The following TBC1D22A variants were observed in gnomAD, a reference collection of about 807,000 sequenced individuals.
TBC1D22A encodes the protein putative GTPase activator.
A neutral mutation model predicts 60.2 loss-of-function variants in TBC1D22A; 38 were observed. That is an observed-to-expected ratio of 0.63 (90% confidence interval 0.49 to 0.83). The LOEUF is 0.83. TBC1D22A is among the 40% of genes least tolerant of loss of function. TBC1D22A has a pLI of 0.00. For missense variants in TBC1D22A, 628 were observed against 701.0 expected, an observed-to-expected ratio of 0.90 and a Z score of 1.18; for synonymous variants, 302 against 281.7, an observed-to-expected ratio of 1.07 and a Z score of -0.72.
At chr22:46,899,004 G>A (rs1427559348) in intron 7 of TBC1D22A, among the ~76,000 whole-genome samples, 1 of 152,196 alleles carries the variant, frequency 6.6e-6, no homozygotes, top group Non-Finnish European at 1.5e-5. Flanking sequence ...GCAAGGCTTG[G>A]CAGAGTGGAT....
intron 12 of TBC1D22A, among the ~76,000 whole-genome samples, chr22:47,156,103 G>A (rs1200660982): frequency 6.6e-6 from 1 of 152,188 alleles, no homozygotes; most frequent in Non-Finnish European, 1.5e-5. Context: ...GATGGCTGAA[G>A]GCAGGGCTTC....
chr22:47,008,736 G>T (rs1477064296), intron 10 of TBC1D22A, among the ~76,000 whole-genome samples: 2 of 152,204 alleles, frequency 1.3e-5, no homozygotes, highest in African/African-American at 4.8e-5. Context: ...TTGGAGTGAG[G>T]CCTGGGTACA....
chr22:46,835,961 T>A (rs1226025276), intron 4 of TBC1D22A, among the ~76,000 whole-genome samples: 1 of 151,696 alleles, frequency 6.6e-6, no homozygotes, highest in African/African-American at 2.4e-5. Context: ...AAAAAAAACC[T>A]GCCGACTAAG....
chr22:46,843,451 C>T (rs969666780), intron 4 of TBC1D22A, among the ~76,000 whole-genome samples: 14 of 152,132 alleles, frequency 9.2e-5, no homozygotes, highest in African/African-American at 3.4e-4. Flanking sequence ...GAAGCTGTCC[C>T]AAATATGAAT....
At chr22:46,973,700 G>A (rs1372071755) in intron 8 of TBC1D22A, among the ~76,000 whole-genome samples, 1 of 152,144 alleles carries the variant, frequency 6.6e-6, no homozygotes, top group Admixed American at 6.5e-5. Context: ...CATCTGTTTT[G>A]CATTTTAAAA....
At chr22:46,911,943 G>C (rs530772862) in intron 7 of TBC1D22A, 131 bp from the exon 8 acceptor site, 31 of 613,924 alleles carry the variant, frequency 5.0e-5, no homozygotes, top group East Asian at 3.8e-4. Context: ...ATTGATATTT[G>C]TTTATATTTG....
In TBC1D22A at chr22:46,912,157, T is replaced by C. The variant is rs1569211987; in HGVS notation, c.984T>C (p.Pro328=). The C allele has an allele frequency of 6.2e-7, 1 of 1,613,902 alleles. No individual in the cohort carries two copies. The highest frequency in any genetic ancestry group is 1.1e-5 in the South Asian group (1 of 90,992). The change falls in exon 8 of 13, where the codon CCT becomes CCC. Residue 328 remains proline, a synonymous_variant. Coordinates refer to ENST00000337137, the MANE Select transcript of TBC1D22A (RefSeq NM_014346.5). ...YVQGINDLVT[P]FFVVFICEYI... is the part of the protein sequence containing the mutation. The stretch of plus-strand genomic sequence containing the variant: ...AGGGTATAAATGATCTCGTCACTCC[T>C]TTCTTTGTGGTCTTCATTTGTGAAT...
chr22:46,854,476 T>C (rs978067219), intron 4 of TBC1D22A, among the ~76,000 whole-genome samples: 2 of 152,148 alleles, frequency 1.3e-5, no homozygotes, highest in Non-Finnish European at 2.9e-5. Flanking sequence ...CCCAGGGTAA[T>C]GTTTGGTCAT....
intron 12 of TBC1D22A, among the ~76,000 whole-genome samples, chr22:47,132,543 C>A (rs182225911): frequency 6.6e-6 from 1 of 152,334 alleles, no homozygotes; most frequent in Non-Finnish European, 1.5e-5. Flanking sequence ...GCCTGCAACC[C>A]AAACTGACTC....
chr22:46,773,848 C>T (rs1222946004), intron 1 of TBC1D22A: 1 of 817,572 alleles, frequency 1.2e-6, no homozygotes, highest in Non-Finnish European at 1.5e-6. Flanking sequence ...CCCTATTTTA[C>T]AAATGAGGAA....
chr22:47,096,327 T>C (rs1323363032), intron 11 of TBC1D22A, among the ~76,000 whole-genome samples: 1 of 152,206 alleles, frequency 6.6e-6, no homozygotes, highest in Non-Finnish European at 1.5e-5. Context: ...TCCACTGCGC[T>C]GAATGCCCCA....
intron 4 of TBC1D22A, among the ~76,000 whole-genome samples, chr22:46,814,025 G>A (rs1447803642): frequency 1.3e-5 from 2 of 152,200 alleles, no homozygotes; most frequent in Non-Finnish European, 1.5e-5. Flanking sequence ...CTGCCTTTCC[G>A]CAGCCCTTGC....
chr22:46,987,602 C>T (rs148655648), intron 9 of TBC1D22A, among the ~76,000 whole-genome samples: 2 of 152,120 alleles, frequency 1.3e-5, no homozygotes, highest in African/African-American at 4.8e-5. Context: ...TATTAACATA[C>T]AATAGCATTG....
chr22:46,985,285 GGAGCGCC>G (rs757149588), intron 9 of TBC1D22A, among the ~76,000 whole-genome samples: 10 of 152,164 alleles, frequency 6.6e-5, no homozygotes, highest in Non-Finnish European at 8.8e-5. Flanking sequence ...ATGAATGCCT[GGAGCGCC>G]GAGTCCGTTT....
intron 4 of TBC1D22A, among the ~76,000 whole-genome samples, chr22:46,842,316 A>G (rs1221039117): frequency 1.3e-5 from 2 of 152,206 alleles, no homozygotes; most frequent in Admixed American, 6.5e-5. Flanking sequence ...TTGGGTCTCT[A>G]TGGGATCTAA....
chr22:46,798,371 A>G (rs1486292538), intron 4 of TBC1D22A, among the ~76,000 whole-genome samples: 1 of 152,170 alleles, frequency 6.6e-6, no homozygotes, highest in African/African-American at 2.4e-5. Context: ...CAGTCATCAG[A>G]GGGTGACAGG....
At chr22:46,780,978 C>G (rs932590456) in intron 1 of TBC1D22A, among the ~76,000 whole-genome samples, 1 of 152,110 alleles carries the variant, frequency 6.6e-6, no homozygotes, top group Non-Finnish European at 1.5e-5. Flanking sequence ...GTAAAGACAG[C>G]TCTGGGCACA....
At chr22:46,812,439 G>A (rs1487182985) in intron 4 of TBC1D22A, among the ~76,000 whole-genome samples, 1 of 152,218 alleles carries the variant, frequency 6.6e-6, no homozygotes, top group Non-Finnish European at 1.5e-5. Context: ...GCCCAGATGT[G>A]AGGCTGGCAT....
chr22:46,868,339 T>C (rs757666441), intron 4 of TBC1D22A, among the ~76,000 whole-genome samples: 1 of 152,222 alleles, frequency 6.6e-6, no homozygotes, highest in Non-Finnish European at 1.5e-5. Context: ...GGCAAAATTA[T>C]TTTAAAAAGG....
Sources: allele counts gnomAD v4.1 joint callset (sites outside exome capture counted in the v4.1 genomes callset), GRCh38; gene constraint gnomAD v4.1.1; transcripts MANE v1.5; gene names NCBI Gene and HGNC (gene_info 2026-07-23, HGNC 2026-07-21).